ADAP1: variants seen among roughly 807,000 people sequenced by gnomAD.
ADAP1 encodes arf-GAP with dual PH domain-containing protein 1.
A neutral mutation model predicts 54.9 loss-of-function variants in ADAP1; 31 were observed. The observed-to-expected ratio is 0.56, with a 90% CI of 0.42 to 0.76. The LOEUF (loss-of-function observed/expected upper bound fraction) is 0.76, where lower values mean the gene tolerates loss of function less well. Ranked by LOEUF, ADAP1 falls within the 30% of genes least tolerant of loss-of-function variation. The pLI is 0.00. For missense variants in ADAP1, 535 were observed against 512.4 expected, an observed-to-expected ratio of 1.04 and a Z score of -0.42; for synonymous variants, 313 against 202.6, an observed-to-expected ratio of 1.55 and a Z score of -4.63.
intron 3 of ADAP1, among the ~76,000 whole-genome samples, chr7:921,245 C>G (rs1846182355): frequency 6.6e-6 from 1 of 152,228 alleles, no homozygotes; most frequent in Non-Finnish European, 1.5e-5. Context: ...ACCTGGCCTT[C>G]CCTGTGGGGT....
chr7:906,681 G>GGGACACGGGGGACAT (rs1360249636), intron 4 of ADAP1, among the ~76,000 whole-genome samples: 2 of 85,446 alleles, frequency 2.3e-5, no homozygotes, highest in South Asian at 4.1e-4. Context: ...ACATGGACAG[G>GGGACACGGGGGACAT]GGACACGGGG....
intron 1 of ADAP1, among the ~76,000 whole-genome samples, chr7:948,001 A>C (rs1218871162): frequency 1.3e-4 from 16 of 125,718 alleles, no homozygotes; most frequent in South Asian, 5.4e-4. Context: ...CCTTTACCCC[A>C]CTCCCTCTTC....
intron 6 of ADAP1, among the ~76,000 whole-genome samples, chr7:903,297 G>A (rs1002551970): frequency 4.6e-5 from 7 of 151,804 alleles, no homozygotes; most frequent in African/African-American, 1.5e-4. Flanking sequence ...GGCAGGGGAC[G>A]GGCACGTGGG....
intron 5 of ADAP1, 125 bp downstream of exon 5, chr7:904,935 G>A (rs143966604): frequency 0.015 from 11,831 of 799,440 alleles, 219 homozygotes; most frequent in Admixed American, 0.075. Flanking sequence ...CTCCTGGAGC[G>A]TCCCCATCGG....
Position 939,555 on chromosome 7 carries a change from G to C in ADAP1, c.83-4050C>G, listed in dbSNP as rs569614157. ...TTTTAAGAAAAAGTTTGCTGGCTGC[G>C]TGTGGTGGCTCACACCTGTAATCCC... On this transcript the variant is annotated intron_variant, in intron 1 of 10. Transcript: ENST00000265846. Among the ~76,000 whole-genome samples, 9 of 151,290 alleles carry C rather than the reference G, an allele frequency of 5.9e-5. No individual in the cohort carries two copies. In the South Asian group the frequency reaches 1.9e-3, roughly 32 times the overall value.
chr7:901,732 C>G (rs895050082), intron 6 of ADAP1, among the ~76,000 whole-genome samples: 7 of 151,710 alleles, frequency 4.6e-5, no homozygotes, highest in African/African-American at 1.5e-4. Flanking sequence ...CCACGCCACC[C>G]AACCAGCCCG....
rs997482559 is a variant in ADAP1 at position 945,274 on chromosome 7, G to A, written c.82+9122C>T. 5.3e-5 allele frequency among the ~76,000 whole-genome samples: 8 copies of A among 152,198 alleles called. No homozygotes were observed. Among genetic ancestry groups the A allele is most frequent in the African/African-American group, 1.9e-4 (8 of 41,456 alleles). On this transcript the variant is annotated intron_variant, in intron 1 of 10. Transcript: ENST00000265846. This position sits in a 1 kb window ranked among gnomAD's most constrained non-coding sequence, Gnocchi z 4.2. ...GCAGCCCATCGGAGCGAAAAGGGGC[G>A]GGGCACGCACTCTCAGAGACCCTCC... is the stretch of plus-strand genomic sequence containing the variant.
At chr7:900,477 C>G in intron 7 of ADAP1, 56 bp downstream of exon 7, 1 of 1,333,688 alleles carries the variant, frequency 7.5e-7, no homozygotes, top group Non-Finnish European at 1.1e-6. Flanking sequence ...GCTCCGTCCA[C>G]CCCCCACCCC....
rs1308658866 is a variant in ADAP1 at position 898,911 on chromosome 7, G to C, written c.*10C>G. 1 of 1,598,342 alleles carries C rather than the reference G, an allele frequency of 6.3e-7. No individual in the cohort carries two copies. ...TGAGTCCAATGTCCGTGGTCCTCCA[G>C]CCGCACTCGCTAAGGTTTATGCTTG... On this transcript the variant is annotated 3_prime_UTR_variant, in exon 11 of 11. Transcript: ENST00000265846.
At chr7:944,399 C>T (rs546119860) in intron 1 of ADAP1, among the ~76,000 whole-genome samples, 12 of 151,836 alleles carry the variant, frequency 7.9e-5, no homozygotes, top group African/African-American at 2.4e-4. Context: ...GGATTACAGG[C>T]GCCCGCCACC....
chr7:919,547 A>C (rs934978770), intron 4 of ADAP1, among the ~76,000 whole-genome samples: 5 of 136,526 alleles, frequency 3.7e-5, no homozygotes, highest in Non-Finnish European at 7.9e-5. Flanking sequence ...GGAGAGAGAG[A>C]GGGAGAGACA....
intron 1 of ADAP1, among the ~76,000 whole-genome samples, chr7:951,247 C>T (rs1380091948): frequency 6.6e-6 from 1 of 151,964 alleles, no homozygotes; most frequent in East Asian, 1.9e-4. Context: ...GTGGCGGGTG[C>T]CTGTAGTCCC....
chr7:898,518 G>T lies in ADAP1; in HGVS notation c.*403C>A, dbSNP rs141928287. 1 of 287,778 alleles carries T rather than the reference G, an allele frequency of 3.5e-6. No homozygotes were observed. Among genetic ancestry groups the T allele is most frequent in the African/African-American group, 2.2e-5 (1 of 46,074 alleles). The allele number at this position is 287,778 out of a possible 1,614,324, so 17.8% of individuals were successfully genotyped here. On this transcript the variant is annotated 3_prime_UTR_variant, in exon 11 of 11. Transcript: ENST00000265846. ...ATGCGAGCAGGGCCCAGTCCCCAGCGGCCGGCAGCTGCCCACCGTGCTGGC... is the reference window on the plus strand; with the variant it reads ...ATGCGAGCAGGGCCCAGTCCCCAGCTGCCGGCAGCTGCCCACCGTGCTGGC...
Position 946,230 on chromosome 7 carries a change from C to G in ADAP1, c.82+8166G>C, listed in dbSNP as rs982102182. On this transcript the variant is annotated intron_variant, in intron 1 of 10. Coordinates refer to ENST00000265846, the MANE Select transcript of ADAP1 (RefSeq NM_006869.4). The surrounding 1 kb of genome is among the most constrained non-coding windows in gnomAD (Gnocchi z 4.3). Reference sequence around the variant, plus strand: ...CATATTGTCTCCCAGTTACCCGTGGCCCCTGCAGGGATCCAGGCTCCCGCC... The same window carrying G: ...CATATTGTCTCCCAGTTACCCGTGGGCCCTGCAGGGATCCAGGCTCCCGCC... Among the ~76,000 whole-genome samples the G allele has an allele frequency of 3.3e-5, 5 of 152,176 alleles. No individual in the cohort carries two copies. Among genetic ancestry groups the G allele is most frequent in the African/African-American group, 1.2e-4 (5 of 41,448 alleles).
chr7:911,755 G>A (rs1356245259), intron 4 of ADAP1, among the ~76,000 whole-genome samples: 3 of 78,098 alleles, frequency 3.8e-5, no homozygotes, highest in South Asian at 7.3e-4. Context: ...GGGGGCGGGG[G>A]TCCCACGGAG....
chr7:922,439 C>T (rs1439664924), intron 3 of ADAP1, among the ~76,000 whole-genome samples: 2 of 152,156 alleles, frequency 1.3e-5, no homozygotes, highest in South Asian at 2.1e-4. Flanking sequence ...CAGGGGAAGA[C>T]GCTCTGAGCC....
chr7:921,198 T>C (rs964751881), intron 3 of ADAP1, among the ~76,000 whole-genome samples: 8 of 152,190 alleles, frequency 5.3e-5, no homozygotes, highest in African/African-American at 1.9e-4. Context: ...CTCCCACCCC[T>C]GGAAGCCGCC....
chr7:898,872 C>T lies in ADAP1; in HGVS notation c.*49G>A. Reference sequence around the variant, plus strand: ...GAGCCCCCCCATCCACGGGTCCCCTCCGTCCAGCCACAGTGAGTCCAATGT... The same window carrying T: ...GAGCCCCCCCATCCACGGGTCCCCTTCGTCCAGCCACAGTGAGTCCAATGT... On this transcript the variant is annotated 3_prime_UTR_variant, in exon 11 of 11. Transcript: ENST00000265846. The T allele has an allele frequency of 6.4e-7, 1 of 1,566,554 alleles. No individual in the cohort carries two copies. The highest frequency in any genetic ancestry group is 8.6e-7 in the Non-Finnish European group (1 of 1,157,922).
At chr7:903,967 G>T in intron 6 of ADAP1, 159 bp downstream of exon 6, 2 of 933,554 alleles carry the variant, frequency 2.1e-6, no homozygotes, top group Non-Finnish European at 3.1e-6. Context: ...CCAAGCACCC[G>T]CCTTCCCACG....
Sources: allele counts gnomAD v4.1 joint callset (sites outside exome capture counted in the v4.1 genomes callset), GRCh38; gene constraint gnomAD v4.1.1; non-coding constraint Gnocchi (gnomAD v3.1); transcripts MANE v1.5; gene names NCBI Gene and HGNC (gene_info 2026-07-23, HGNC 2026-07-21).